PLEKHH2: variants seen among roughly 807,000 people sequenced by gnomAD.
PLEKHH2 encodes the protein pleckstrin homology domain-containing family H member 2.
Under a neutral mutation model 187.9 loss-of-function variants are expected in PLEKHH2, and 129 were observed. The observed-to-expected ratio is 0.69, with a 90% CI of 0.59 to 0.79. The LOEUF (loss-of-function observed/expected upper bound fraction) is 0.79. Ranked by LOEUF, PLEKHH2 falls within the 30% of genes least tolerant of loss-of-function variation. The probability of loss-of-function intolerance (pLI) is 0.00; values close to 1 mark genes in which losing one functional copy is unlikely to be tolerated. For missense variants in PLEKHH2, 2,076 were observed against 1,751.2 expected (o/e 1.19, Z -3.31); for synonymous variants, 686 against 605.6 (o/e 1.13, Z -1.95).
chr2:43,755,266 C>A (rs1039526339), intron 25 of PLEKHH2, among the ~76,000 whole-genome samples: 1 of 152,198 alleles, frequency 6.6e-6, no homozygotes, highest in Non-Finnish European at 1.5e-5. Flanking sequence ...CCCGGTCCCC[C>A]AAACAAGCTT....
Position 43,759,240 on chromosome 2 carries a change from T to G in PLEKHH2, c.4071+211T>G, listed in dbSNP as rs73923874. Among the ~76,000 whole-genome samples the G allele has an allele frequency of 4.8e-3, 736 of 152,338 alleles. 5 individuals are homozygous for G. Among genetic ancestry groups the G allele is most frequent in the African/African-American group, 0.017 (708 of 41,584 alleles). On this transcript the variant is annotated intron_variant, in intron 27 of 29. Transcript: ENST00000282406. Reference sequence around the variant, plus strand: ...ACTTTTCCCACCCTAAATCATTTCTTGGACTCATTAGGTGAATCATGAGTC... The same window carrying G: ...ACTTTTCCCACCCTAAATCATTTCTGGGACTCATTAGGTGAATCATGAGTC...
At chr2:43,675,269 T>G (rs1323611884) in intron 2 of PLEKHH2, 3 of 630,808 alleles carry the variant, frequency 4.8e-6, no homozygotes, top group Non-Finnish European at 7.7e-6. Context: ...TAATAATATA[T>G]GAATTATTGA....
At chr2:43,644,877 T>C in intron 2 of PLEKHH2, 81 bp downstream of exon 2, 1 of 1,368,004 alleles carries the variant, frequency 7.3e-7, no homozygotes, top group Non-Finnish European at 9.8e-7. Context: ...TCTCAGTACT[T>C]TGGGGGTTTG....
At chr2:43,644,433 AG>A (rs2104326274) in intron 1 of PLEKHH2, among the ~76,000 whole-genome samples, 1 of 112,976 alleles carries the variant, frequency 8.9e-6, no homozygotes, top group East Asian at 2.0e-4. Flanking sequence ...AGAAAGGTTA[AG>A]TAGCACAGTT....
rs771090665 is a variant in PLEKHH2 at position 43,765,574 on chromosome 2, G to T, written c.4458G>T (p.Pro1486=). 2 of 1,613,550 alleles carry T rather than the reference G, an allele frequency of 1.2e-6. No homozygotes were observed. Among genetic ancestry groups the T allele is most frequent in the African/African-American group, 1.3e-5 (1 of 74,766 alleles). ...AGCCTCTTCTGTCAAGCAGCAGACC[G>T]ACCAAAGGCCCCACCTTACTCTGAA... ...GSQPLLSSSR[P]TKGPTLL Residue 1486 remains proline (P), a synonymous_variant, in exon 30 of 30, where the codon CCG becomes CCT. Coordinates refer to ENST00000282406, the MANE Select transcript of PLEKHH2 (RefSeq NM_172069.4).
chr2:43,647,813 CT>C (rs1666256432), intron 2 of PLEKHH2, among the ~76,000 whole-genome samples: 2 of 152,104 alleles, frequency 1.3e-5, no homozygotes, highest in South Asian at 4.1e-4. Context: ...TAATTTGGTT[CT>C]TTAGCTCTTT....
chr2:43,716,605 A>G (rs1670221871), intron 15 of PLEKHH2, among the ~76,000 whole-genome samples: 2 of 152,200 alleles, frequency 1.3e-5, no homozygotes, highest in South Asian at 4.1e-4. Flanking sequence ...ATTGTAGTGA[A>G]GTGAGGATAG....
intron 15 of PLEKHH2, among the ~76,000 whole-genome samples, chr2:43,712,909 C>T (rs1004112439): frequency 1.3e-5 from 2 of 151,780 alleles, no homozygotes; most frequent in African/African-American, 4.8e-5. Flanking sequence ...AAAAGTAAGA[C>T]GTTTTTACAA....
Position 43,712,359 on chromosome 2 carries a change from C to T in PLEKHH2, c.2436C>T (p.Pro812=), listed in dbSNP as rs925568420. 3.1e-6 allele frequency: 5 copies of T among 1,614,036 alleles called. No individual in the cohort carries two copies. The highest frequency in any genetic ancestry group is 3.3e-5 in the Admixed American group (2 of 60,000). The change falls in exon 15 of 30, where the codon CCC becomes CCT. Residue 812 remains proline, a synonymous_variant. Transcript: ENST00000282406. The stretch of plus-strand genomic sequence containing the variant: ...TTTCCCTGCAGCCTGAGGGCAAACC[C>T]ACCATGAAGGGATTGCTCACTAAGG... The part of the protein sequence containing the change: ...NPLSLQPEGK[P]TMKGLLTKVK...
chr2:43,659,568 G>A (rs371365771), intron 2 of PLEKHH2, among the ~76,000 whole-genome samples: 78 of 149,322 alleles, frequency 5.2e-4, no homozygotes, highest in African/African-American at 1.9e-3. Context: ...GGGTTGCAAG[G>A]CACTTTTTTT....
intron 2 of PLEKHH2, among the ~76,000 whole-genome samples, chr2:43,654,986 A>G (rs1350101569): frequency 6.6e-6 from 1 of 151,852 alleles, no homozygotes; most frequent in Non-Finnish European, 1.5e-5. Flanking sequence ...AGCCGAGATC[A>G]TGCCACTGCA....
chr2:43,706,161 T>C (rs918330067), intron 9 of PLEKHH2, among the ~76,000 whole-genome samples, 161 bp from the exon 10 acceptor site: 50 of 152,208 alleles, frequency 3.3e-4, no homozygotes, highest in African/African-American at 1.1e-3. Flanking sequence ...TAAATAAACC[T>C]GTAAATGCCA....
chr2:43,695,794 G>C (rs1669056836), intron 6 of PLEKHH2, among the ~76,000 whole-genome samples: 2 of 152,196 alleles, frequency 1.3e-5, no homozygotes. Context: ...TTTGGCCTTA[G>C]AGAATAGACC....
intron 2 of PLEKHH2, among the ~76,000 whole-genome samples, chr2:43,676,640 A>G (rs1667812630): frequency 6.6e-6 from 1 of 152,126 alleles, no homozygotes; most frequent in African/African-American, 2.4e-5. Context: ...GCACTGAGCC[A>G]AAAAGAATAA....
chr2:43,749,437 C>A (rs898412211), intron 24 of PLEKHH2, among the ~76,000 whole-genome samples: 26 of 152,232 alleles, frequency 1.7e-4, no homozygotes, highest in Admixed American at 1.7e-3. Context: ...CCCCGACCAC[C>A]TTGGGTACAT....
intron 2 of PLEKHH2, among the ~76,000 whole-genome samples, chr2:43,660,471 A>AT (rs546980439): frequency 0.049 from 4,030 of 82,494 alleles, 99 homozygotes; most frequent in South Asian, 0.081. Context: ...TAAGGAATTT[A>AT]TTTTTTTTTT....
intron 2 of PLEKHH2, chr2:43,675,195 A>G: frequency 2.2e-6 from 1 of 445,694 alleles, no homozygotes; most frequent in Non-Finnish European, 3.9e-6. Flanking sequence ...TATCCAAAAC[A>G]TTATTTCAAT....
intron 25 of PLEKHH2, among the ~76,000 whole-genome samples, chr2:43,756,470 T>G (rs1402358012): frequency 6.6e-6 from 1 of 152,066 alleles, no homozygotes; most frequent in Non-Finnish European, 1.5e-5. Context: ...TGCCTTTTAT[T>G]TTTAACATCT....
intron 2 of PLEKHH2, among the ~76,000 whole-genome samples, chr2:43,674,164 CT>C (rs1194862943): frequency 6.6e-6 from 1 of 152,112 alleles, no homozygotes; most frequent in African/African-American, 2.4e-5. Context: ...TTTATCCTTC[CT>C]GTTATCACTA....
Sources: gnomAD v4.1 joint callset for allele counts (sites outside exome capture counted in the v4.1 genomes callset) on GRCh38, gnomAD v4.1.1 for gene constraint, MANE v1.5 for transcripts, NCBI Gene and HGNC (gene_info 2026-07-23, HGNC 2026-07-21) for gene names.